Variants in EDC3 observed in about 807,000 individuals in gnomAD.
EDC3 encodes the protein enhancer of mRNA decapping 3, also known as enhancer of mRNA-decapping protein 3.
Under a neutral mutation model 41.8 loss-of-function variants are expected in EDC3, and 20 were observed. That is an observed-to-expected ratio of 0.48 (90% CI 0.34 to 0.70). The LOEUF (loss-of-function observed/expected upper bound fraction) is 0.70, where lower values mean the gene tolerates loss of function less well. Among genes scored for constraint, EDC3 ranks in the 30% least tolerant of loss-of-function variants. The pLI is 0.01. For synonymous variants in EDC3, 206 were observed against 243.2 expected (o/e 0.85, Z 1.42); for missense variants, 444 against 636.8 (o/e 0.70, Z 3.26).
chr15:74,635,889 G>A, intron 5 of EDC3: 1 of 514,236 alleles, frequency 1.9e-6, no homozygotes, highest in Admixed American at 3.4e-5. Context: ...CAACACTGTT[G>A]CCACAACACC....
intron 4 of EDC3, among the ~76,000 whole-genome samples, chr15:74,645,929 T>C (rs189854420): frequency 6.6e-6 from 1 of 152,194 alleles, no homozygotes; most frequent in Non-Finnish European, 1.5e-5. Context: ...CCAAATATGA[T>C]TTAAAAATGT....
At position 74,635,521 on chromosome 15, in the gene EDC3, A is replaced by G. The variant is rs147775853; in HGVS notation, c.1080T>C (p.His360=). ...GCAGGAAAAGGATGACCTGGACATC[A>G]TGGTTGGCTAGGTGCCTTCCACAGC... ...GISCGRHLAN[H]DVQVILFLPN... Residue 360 remains histidine, a synonymous_variant, in exon 6 of 7, where the codon CAT becomes CAC. Transcript: ENST00000315127. The G allele has an allele frequency of 1.2e-6, 2 of 1,614,266 alleles. No homozygotes were observed. Among genetic ancestry groups the G allele is most frequent in the Non-Finnish European group, 8.5e-7 (1 of 1,180,038 alleles).
intron 5 of EDC3, chr15:74,637,248 T>G (rs1186126123): frequency 6.6e-6 from 1 of 152,174 alleles, no homozygotes; most frequent in East Asian, 1.9e-4. Context: ...AGATGGACCT[T>G]TGGATAGTTC....
chr15:74,667,956 G>A (rs2062695768), intron 3 of EDC3, among the ~76,000 whole-genome samples: 1 of 152,144 alleles, frequency 6.6e-6, no homozygotes. Context: ...GGAGAAACTA[G>A]ATATATCCTA....
At chr15:74,686,292 T>C (rs2062936656) in intron 1 of EDC3, among the ~76,000 whole-genome samples, 1 of 151,074 alleles carries the variant, frequency 6.6e-6, no homozygotes, top group African/African-American at 2.4e-5. Context: ...GCCATTGCAC[T>C]CCAGCCTGGG....
chr15:74,678,557 A>G (rs979332288), intron 1 of EDC3, among the ~76,000 whole-genome samples: 1 of 152,172 alleles, frequency 6.6e-6, no homozygotes, highest in East Asian at 1.9e-4. Flanking sequence ...ACATTTTAGG[A>G]AAAAAATAAT....
rs1373906739 is a variant in EDC3, at chr15:74,640,635, A to G, written c.821-16T>C. ...AGGCCAGAGTCTGCAGTTCAAAAGG[A>G]GAAGAGAAAGGGAAAGTGACTACAG... On this transcript the variant is annotated splice_polypyrimidine_tract_variant and intron_variant, in intron 4 of 6. Coordinates refer to ENST00000315127, the MANE Select transcript of EDC3 (RefSeq NM_025083.5). 1.2e-6 allele frequency: 2 copies of G among 1,614,100 alleles called. No individual in the cohort carries two copies. Among genetic ancestry groups the G allele is most frequent in the African/African-American group, 1.3e-5 (1 of 75,040 alleles).
chr15:74,665,568 C>T (rs2062668525), intron 3 of EDC3, among the ~76,000 whole-genome samples: 1 of 152,158 alleles, frequency 6.6e-6, no homozygotes, highest in Non-Finnish European at 1.5e-5. Context: ...CTCCCTGGGA[C>T]TGATGTTATG....
At chr15:74,675,211 A>AT in intron 1 of EDC3, 69 bp from the exon 2 acceptor site, 1 of 1,432,556 alleles carries the variant, frequency 7.0e-7, no homozygotes, top group Non-Finnish European at 9.7e-7. Context: ...TTCAGCAAAT[A>AT]TATCAGGCTC....
At chr15:74,668,383 C>T (rs756944491) in intron 3 of EDC3, among the ~76,000 whole-genome samples, 2 of 151,758 alleles carry the variant, frequency 1.3e-5, no homozygotes, top group South Asian at 2.1e-4. Context: ...AAATGTAAGA[C>T]GTTAATAACG....
At chr15:74,667,482 A>AGGGGGAGAGGGAGGG (rs2062689895) in intron 3 of EDC3, among the ~76,000 whole-genome samples, 1 of 46,308 alleles carries the variant, frequency 2.2e-5, no homozygotes, top group Non-Finnish European at 4.2e-5. Flanking sequence ...AGGAGGAGGG[A>AGGGGGAGAGGGAGGG]GGAGGAGGAG....
At chr15:74,652,980 G>C (rs2062499830) in intron 4 of EDC3, among the ~76,000 whole-genome samples, 2 of 152,106 alleles carry the variant, frequency 1.3e-5, no homozygotes, top group South Asian at 4.1e-4. Flanking sequence ...AGGAGTTTGA[G>C]ACCAGCCTGG....
chr15:74,657,561 C>T (rs115475607), intron 3 of EDC3, among the ~76,000 whole-genome samples: 60 of 152,328 alleles, frequency 3.9e-4, no homozygotes, highest in African/African-American at 1.4e-3. Context: ...AGGGAAATAT[C>T]CTGCTTCAGT....
At chr15:74,647,250 T>A (rs573347242) in intron 4 of EDC3, among the ~76,000 whole-genome samples, 3 of 152,174 alleles carry the variant, frequency 2.0e-5, no homozygotes, top group Non-Finnish European at 4.4e-5. Flanking sequence ...CCTCAAGTGA[T>A]CCATCTGCCT....
Position 74,656,132 on chromosome 15 carries a change from T to C in EDC3, c.485-64A>G. 3.5e-6 allele frequency: 5 copies of C among 1,421,922 alleles called. No homozygotes were observed. In the South Asian group the frequency reaches 6.6e-5, roughly 19 times the overall value. The allele number at this position is 1,421,922 out of a possible 1,614,324, so 88.1% of individuals were successfully genotyped here. A position where few individuals can be genotyped will look rare whatever the true frequency, so the allele number is the denominator to read the frequency against. On this transcript the variant is annotated intron_variant, in intron 3 of 6. Transcript: ENST00000315127. ...GAAAGCGCTCAGTGAACGTGGAAAA[T>C]ACATTAGTCTTTTGTGGAGAGTGTT...
rs2062221767 is a variant in EDC3 at position 74,632,424 on chromosome 15, C to G, written c.*188G>C. The G allele has an allele frequency of 9.9e-6, 7 of 705,546 alleles. No homozygotes were observed. The highest frequency in any genetic ancestry group is 1.6e-5 in the Non-Finnish European group (7 of 434,978). 43.7% of individuals were successfully genotyped at this position (705,546 alleles called of 1,614,324 possible). A position where few individuals can be genotyped will look rare whatever the true frequency, so the allele number is the denominator to read the frequency against. ...CTCAGCCTGCCACCCAGCCCGGAAC[C>G]CAGTGGGAAAGACTTCCCTGGCTAA... On this transcript the variant is annotated 3_prime_UTR_variant, in exon 7 of 7. Coordinates refer to ENST00000315127, the MANE Select transcript of EDC3 (RefSeq NM_025083.5). The surrounding 1 kb of genome is among the most constrained non-coding windows in gnomAD (Gnocchi z 4.0).
Position 74,659,281 on chromosome 15 carries a change from G to A in EDC3, c.485-3213C>T, listed in dbSNP as rs535149567. On this transcript the variant is annotated intron_variant, in intron 3 of 6. Transcript: ENST00000315127. ...AGTTCAAGACCAGCCTGATCAACAT[G>A]GTGAAATGCCATCTCTACTAAATAC... 5.3e-5 allele frequency among the ~76,000 whole-genome samples: 8 copies of A among 151,294 alleles called. No individual in the cohort carries two copies. The South Asian group carries it at 1.5e-3, about 28-fold the overall frequency.
Position 74,655,888 on chromosome 15 carries a change from AT to A in EDC3, c.664del (p.Ile222LeufsTer41). On this transcript the variant is annotated frameshift_variant, in exon 4 of 7. Coordinates refer to ENST00000315127, the MANE Select transcript of EDC3 (RefSeq NM_025083.5). LOFTEE classifies it high-confidence loss of function. ...ACCACTTCTCCTTTCATAGGTATCAATCTCCTCAAACACAGCTGCCTTGTCA... is the reference window on the plus strand; with the variant it reads ...ACCACTTCTCCTTTCATAGGTATCAACTCCTCAAACACAGCTGCCTTGTCA... The part of the protein sequence containing the change: ...LFDKAAVFEE[I>X]DTYERRSGTR... 1 of 1,614,120 alleles carries A rather than the reference AT, an allele frequency of 6.2e-7. No homozygotes were observed. Among genetic ancestry groups the A allele is most frequent in the Non-Finnish European group, 8.5e-7 (1 of 1,180,030 alleles).
intron 5 of EDC3, 136 bp from the exon 6 acceptor site, chr15:74,635,762 G>A (rs1396688573): frequency 2.1e-5 from 17 of 824,938 alleles, no homozygotes; most frequent in Non-Finnish European, 3.0e-5. Flanking sequence ...GCTCCAGAGG[G>A]GGACAAAATC....
Sources: gnomAD v4.1 joint callset for allele counts (sites outside exome capture counted in the v4.1 genomes callset) on GRCh38, gnomAD v4.1.1 for gene constraint, Gnocchi (gnomAD v3.1) non-coding constraint, MANE v1.5 for transcripts, NCBI Gene and HGNC (gene_info 2026-07-23, HGNC 2026-07-21) for gene names.